The following MOB2 variants were observed in gnomAD, a reference collection of about 807,000 sequenced individuals.
The protein encoded by MOB2 is MOB kinase activator 2.
MOB2 carries 14 observed loss-of-function variants against 27.4 expected under a neutral mutation model. The ratio of observed to expected loss-of-function variants is 0.51; its 90% CI spans 0.34 to 0.80. The LOEUF (loss-of-function observed/expected upper bound fraction) is 0.80, where lower values mean the gene tolerates loss of function less well. MOB2 is among the 30% of genes least tolerant of loss of function. The probability of loss-of-function intolerance (pLI) is 0.01; values close to 1 mark genes in which losing one functional copy is unlikely to be tolerated. For synonymous variants in MOB2, 167 were observed against 151.8 expected, an observed-to-expected ratio of 1.10 and a Z score of -0.74; for missense variants, 304 against 354.6, an observed-to-expected ratio of 0.86 and a Z score of 1.15.
At chr11:1,481,712 GA>G (rs1488970877) in intron 1 of MOB2, 6 of 90,258 alleles carry the variant, frequency 6.6e-5, no homozygotes, top group East Asian at 4.0e-4. Flanking sequence ...GCAGGGGCAG[GA>G]GCAGGGGCAG....
intron 3 of MOB2, among the ~76,000 whole-genome samples, chr11:1,477,509 T>C (rs1271308358): frequency 6.6e-6 from 1 of 152,130 alleles, no homozygotes; most frequent in Non-Finnish European, 1.5e-5. Flanking sequence ...GATGGGGCCT[T>C]TGGGAGGCGA....
Position 1,469,855 on chromosome 11 carries a change from A to C in MOB2, c.*317T>G. On this transcript the variant is annotated 3_prime_UTR_variant, in exon 5 of 5. Transcript: ENST00000329957. ...AGGCCAGCAGCACCCGAGGGAGGGCAGGGGCTGCACGGAGACCAGAGAAAG... is the reference window on the plus strand; with the variant it reads ...AGGCCAGCAGCACCCGAGGGAGGGCCGGGGCTGCACGGAGACCAGAGAAAG... 3.3e-6 allele frequency: 2 copies of C among 611,326 alleles called. No individual in the cohort carries two copies. The allele number at this position is 611,326 out of a possible 1,614,324, so 37.9% of individuals were successfully genotyped here. A position where few individuals can be genotyped will look rare whatever the true frequency, so the allele number is the denominator to read the frequency against.
chr11:1,481,721 CAGGGGCAGGGGCAGGGGCAGGG>C (rs1405017241), intron 1 of MOB2: 2 of 5,916 alleles, frequency 3.4e-4, no homozygotes, highest in Non-Finnish European at 6.1e-4. Context: ...GGAGCAGGGG[CAGGGGCAGGGGCAGGGGCAGGG>C]AGGGGCAGGG....
chr11:1,478,510 G>C (rs964988790), intron 3 of MOB2, among the ~76,000 whole-genome samples: 1 of 152,132 alleles, frequency 6.6e-6, no homozygotes, highest in African/African-American at 2.4e-5. Context: ...CTGGCCTCCT[G>C]GGTTTCTAAA....
chr11:1,486,526 C>T lies in MOB2; in HGVS notation c.31G>A (p.Asp11Asn). 3 of 1,535,808 alleles carry T rather than the reference C, an allele frequency of 2.0e-6. No individual in the cohort carries two copies. Among genetic ancestry groups the T allele is most frequent in the Non-Finnish European group, 2.6e-6 (3 of 1,146,770 alleles). MLGDHCSLPEDQARPGQSLQS... is the reference protein window; with the variant it reads MLGDHCSLPENQARPGQSLQS... ...AGGGACTGGCCGGGCCGGGCTTGGT[C>T]TTCAGGGAGACTGCAGTGGTCTCCC... is the stretch of plus-strand genomic sequence containing the variant. The change falls in exon 1 of 5, where the codon GAC becomes AAC. Residue 11 changes from aspartate (D) to asparagine (N), a missense_variant. Physicochemically the swap from Asp to Asn is conservative, Grantham distance 23. Coordinates refer to ENST00000329957, the MANE Select transcript of MOB2 (RefSeq NM_001172223.3).
At position 1,470,285 on chromosome 11, in the gene MOB2, C is replaced by T. The variant is rs759781135; in HGVS notation, c.694G>A (p.Asp232Asn). ...LLDPKETAIMDDLTEVLCSGA... is the reference protein window; with the variant it reads ...LLDPKETAIMNDLTEVLCSGA... The stretch of plus-strand genomic sequence containing the variant: ...CTGCATAGCACCTCGGTGAGGTCGT[C>T]CATGATGGCGGTCTCTTTGGGGTCC... The change falls in exon 5 of 5, where the codon GAC becomes AAC. Residue 232 changes from aspartate (D) to asparagine (N), a missense_variant. Coordinates refer to ENST00000329957, the MANE Select transcript of MOB2 (RefSeq NM_001172223.3). The T allele has an allele frequency of 6.2e-7, 1 of 1,613,190 alleles. No individual in the cohort carries two copies.
rs925553675 is a variant in MOB2 at position 1,469,778 on chromosome 11, G to A, written c.*394C>T. The A allele has an allele frequency of 2.1e-5, 10 of 486,732 alleles. No homozygotes were observed. Among genetic ancestry groups the A allele is most frequent in the Non-Finnish European group, 3.6e-5 (9 of 247,598 alleles). 30.2% of individuals were successfully genotyped at this position (486,732 alleles called of 1,614,324 possible). On this transcript the variant is annotated 3_prime_UTR_variant, in exon 5 of 5. Transcript: ENST00000329957. ...AAGCAAGCCCCACCCCCAGAGCAGA[G>A]CAGAGACCCAGGTCTGCAAATCACA...
chr11:1,473,167 G>A (rs1345264188), intron 3 of MOB2: 2 of 152,358 alleles, frequency 1.3e-5, no homozygotes, highest in South Asian at 2.1e-4. Flanking sequence ...ACCCGAAGGG[G>A]AAGTGCAGCC....
intron 3 of MOB2, among the ~76,000 whole-genome samples, chr11:1,477,382 T>C (rs1197617766): frequency 1.3e-5 from 2 of 152,186 alleles, no homozygotes; most frequent in African/African-American, 2.4e-5. Flanking sequence ...CAGCACATCT[T>C]GTCCTCTTAC....
intron 3 of MOB2, among the ~76,000 whole-genome samples, chr11:1,475,403 A>T (rs1456260862): frequency 6.6e-6 from 1 of 152,234 alleles, no homozygotes; most frequent in African/African-American, 2.4e-5. Flanking sequence ...GAAGCCACAG[A>T]GAGCACCAAA....
At chr11:1,480,620 G>A (rs1224304286) in intron 2 of MOB2, 105 bp downstream of exon 2, 10 of 1,519,236 alleles carry the variant, frequency 6.6e-6, no homozygotes, top group Admixed American at 3.7e-5. Flanking sequence ...TTCTCCCCTC[G>A]CGGCAGGGGG....
At position 1,486,519 on chromosome 11, in the gene MOB2, G is replaced by C; in HGVS notation, c.38C>G (p.Ala13Gly). 2 of 1,535,794 alleles carry C rather than the reference G, an allele frequency of 1.3e-6. No individual in the cohort carries two copies. Among genetic ancestry groups the C allele is most frequent in the Non-Finnish European group, 1.7e-6 (2 of 1,146,746 alleles). The change falls in exon 1 of 5, where the codon GCC becomes GGC. Residue 13 changes from alanine to glycine, a missense_variant. Transcript: ENST00000329957. ...ACTTTGCAGGGACTGGCCGGGCCGG[G>C]CTTGGTCTTCAGGGAGACTGCAGTG... ...GDHCSLPEDQ[A>G]RPGQSLQSGL...
At chr11:1,475,648 A>AG (rs1344759887) in intron 3 of MOB2, among the ~76,000 whole-genome samples, 1 of 152,222 alleles carries the variant, frequency 6.6e-6, no homozygotes, top group African/African-American at 2.4e-5. Context: ...GTCGCATATC[A>AG]GGGGGTCCCT....
intron 3 of MOB2, chr11:1,472,674 C>A (rs1345142923): frequency 6.6e-6 from 1 of 152,454 alleles, no homozygotes; most frequent in Non-Finnish European, 1.5e-5. Context: ...CTTCTCTTGG[C>A]CAGCTCCAAG....
chr11:1,476,939 C>T (rs192086829), intron 3 of MOB2, among the ~76,000 whole-genome samples: 51 of 152,306 alleles, frequency 3.3e-4, no homozygotes, highest in African/African-American at 1.2e-3. Flanking sequence ...GGTCAGAAAA[C>T]TTACTTCGTA....
rs1381809524 is a variant in MOB2 at position 1,480,478 on chromosome 11, A to C, written c.280T>G (p.Phe94Val). ...NEWLASNTTTFFHHINLQYST... is the reference protein window; with the variant it reads ...NEWLASNTTTVFHHINLQYST... ...TACTGCAGGTTGATGTGGTGGAAAA[A>C]CGTCGTGGCTGGAAGAGAAGAGAAG... Residue 94 changes from phenylalanine to valine, a missense_variant, in exon 3 of 5, where the codon TTT becomes GTT. Coordinates refer to ENST00000329957, the MANE Select transcript of MOB2 (RefSeq NM_001172223.3). The C allele has an allele frequency of 6.2e-7, 1 of 1,613,760 alleles. No homozygotes were observed. The highest frequency in any genetic ancestry group is 2.2e-5 in the East Asian group (1 of 44,864).
chr11:1,469,944 G>A lies in MOB2; in HGVS notation c.*228C>T. On this transcript the variant is annotated 3_prime_UTR_variant, in exon 5 of 5. Transcript: ENST00000329957. ...TGCGTGTCTGCTGAACGAGTGAATG[G>A]GCCCAAAGGCTCTTCTCTACAAACG... is the stretch of plus-strand genomic sequence containing the variant. 9.6e-7 allele frequency: 1 copy of A among 1,040,678 alleles called. No homozygotes were observed. 64.5% of individuals were successfully genotyped at this position (1,040,678 alleles called of 1,614,324 possible).
At chr11:1,480,968 A>C in intron 1 of MOB2, 83 bp from the exon 2 acceptor site, 2 of 1,499,024 alleles carry the variant, frequency 1.3e-6, no homozygotes, top group South Asian at 2.5e-5. Flanking sequence ...TGGCCAGCGC[A>C]GGTGTAGAGG....
At position 1,484,006 on chromosome 11, in the gene MOB2, T is replaced by A. The variant is rs952835105; in HGVS notation, c.110+2441A>T. Among the ~76,000 whole-genome samples the A allele has an allele frequency of 2.3e-4, 35 of 152,120 alleles. 1 individual carries two copies. Among genetic ancestry groups the A allele is most frequent in the Non-Finnish European group, 1.5e-5 (1 of 67,996 alleles). ...TGGGCTGGGAGCCGCCCACTCCTCATCCGCCCTGAGGGACGAGGACAGCAC... is the reference window on the plus strand; with the variant it reads ...TGGGCTGGGAGCCGCCCACTCCTCAACCGCCCTGAGGGACGAGGACAGCAC... On this transcript the variant is annotated intron_variant, in intron 1 of 4. Coordinates refer to ENST00000329957, the MANE Select transcript of MOB2 (RefSeq NM_001172223.3).
Sources: gnomAD v4.1 joint callset for allele counts (sites outside exome capture counted in the v4.1 genomes callset) on GRCh38, gnomAD v4.1.1 for gene constraint, MANE v1.5 for transcripts, NCBI Gene and HGNC (gene_info 2026-07-23, HGNC 2026-07-21) for gene names.